Variants in HEATR3 observed in about 807,000 individuals in gnomAD.
The protein encoded by HEATR3 is HEAT repeat containing 3, also known as HEAT repeat-containing protein 3.
Under a neutral mutation model 72.8 loss-of-function variants are expected in HEATR3, and 56 were observed. The ratio of observed to expected loss-of-function variants is 0.77; its 90% confidence interval spans 0.62 to 0.96. The LOEUF (loss-of-function observed/expected upper bound fraction) is 0.96. HEATR3 is among the 40% of genes least tolerant of loss of function. The pLI, the probability that HEATR3 is intolerant of heterozygous loss-of-function variation, is 0.00. For synonymous variants in HEATR3, 331 were observed against 318.1 expected (o/e 1.04, Z -0.43); for missense variants, 747 against 831.4 (o/e 0.90, Z 1.25).
At position 50,107,087 on chromosome 16, in the gene HEATR3, C is replaced by A. The variant is rs560237765; in HGVS notation, c.*2026C>A. Among the ~76,000 whole-genome samples the A allele has an allele frequency of 4.6e-5, 7 of 152,302 alleles. No homozygotes were observed. The South Asian group carries it at 1.2e-3, about 27-fold the overall frequency. ...TTCCAAAAAAGAAAGTATTAGAGTT[C>A]TCTCTGCCTCAATTATTTATAAAAT... On this transcript the variant is annotated 3_prime_UTR_variant, in exon 15 of 15. Transcript: ENST00000299192.
Position 50,066,449 on chromosome 16 carries a change from G to A in HEATR3, c.221G>A (p.Gly74Asp). The A allele has an allele frequency of 2.9e-6, 4 of 1,394,016 alleles. No homozygotes were observed. Among genetic ancestry groups the A allele is most frequent in the Non-Finnish European group, 3.7e-6 (4 of 1,082,654 alleles). The allele number at this position is 1,394,016 out of a possible 1,614,324, so 86.4% of individuals were successfully genotyped here. A position where few individuals can be genotyped will look rare whatever the true frequency, so the allele number is the denominator to read the frequency against. ...GTGCAGCAGCGGCCGGCACTCCCGGGCCTGGCGCGACGAGACGCCGTGCGC... is the reference window on the plus strand; with the variant it reads ...GTGCAGCAGCGGCCGGCACTCCCGGACCTGGCGCGACGAGACGCCGTGCGC... ...RLVQQRPALP[G>D]LARRDAVRRL... Residue 74 changes from glycine (G) to aspartate (D), a missense_variant, in exon 2 of 15, where the codon GGC becomes GAC. Coordinates refer to ENST00000299192, the MANE Select transcript of HEATR3 (RefSeq NM_182922.4).
chr16:50,096,550 G>A (rs959073881), intron 12 of HEATR3, among the ~76,000 whole-genome samples: 1 of 152,130 alleles, frequency 6.6e-6, no homozygotes, highest in African/African-American at 2.4e-5. Flanking sequence ...TGTAATCCCA[G>A]CACTTTGGGA....
In HEATR3 at chr16:50,100,291, G is replaced by A. The variant is rs774244324; in HGVS notation, c.1661G>A (p.Gly554Glu). 6 of 1,614,024 alleles carry A rather than the reference G, an allele frequency of 3.7e-6. No homozygotes were observed. In the South Asian group the frequency reaches 6.6e-5, roughly 18 times the overall value. ...CKAGIHSSNV[G>E]VRVNVVSILG... ...GCAGGCATTCATAGTAGTAATGTCG[G>A]GGTTAGAGTGAATGTCGTTAGCATT... The change falls in exon 13 of 15, where the codon GGG becomes GAG. Residue 554 changes from glycine (G) to glutamate (E), a missense_variant. Transcript: ENST00000299192.
chr16:50,103,590 C>G (rs1374590439), intron 14 of HEATR3, among the ~76,000 whole-genome samples: 1 of 152,210 alleles, frequency 6.6e-6, no homozygotes, highest in African/African-American at 2.4e-5. Context: ...AACTCCTGAC[C>G]TACTGAGTCA....
intron 3 of HEATR3, among the ~76,000 whole-genome samples, chr16:50,069,750 G>A (rs766618318): frequency 1.3e-5 from 2 of 152,196 alleles, no homozygotes; most frequent in Non-Finnish European, 2.9e-5. Context: ...AAATGCTAGG[G>A]CCTGAATCCC....
chr16:50,083,124 A>T (rs1413234839), intron 7 of HEATR3, among the ~76,000 whole-genome samples: 1 of 151,770 alleles, frequency 6.6e-6, no homozygotes, highest in Non-Finnish European at 1.5e-5. Flanking sequence ...ACAGAGTGAG[A>T]CTCTGTCTCT....
intron 6 of HEATR3, among the ~76,000 whole-genome samples, chr16:50,076,269 G>T (rs2036725593): frequency 6.6e-6 from 1 of 151,042 alleles, no homozygotes; most frequent in Admixed American, 6.6e-5. Flanking sequence ...TGGCTCTGCA[G>T]CCTCACCTCC....
chr16:50,092,436 C>CTTTTTTTTTTTTTT lies in HEATR3; in HGVS notation c.1511-2266_1511-2253dup, dbSNP rs375532097. On this transcript the variant is annotated intron_variant, in intron 11 of 14. Coordinates refer to ENST00000299192, the MANE Select transcript of HEATR3 (RefSeq NM_182922.4). ...GGTCATTCTTTTTTTTTTCTTTTTT[C>CTTTTTTTTTTTTTT]TTTTTTTTTTTTTTTTCCTGAGACG... 1.2e-3 allele frequency among the ~76,000 whole-genome samples: 129 copies of CTTTTTTTTTTTTTT among 105,990 alleles called. 3 individuals are homozygous for CTTTTTTTTTTTTTT. The highest frequency in any genetic ancestry group is 3.0e-3 in the African/African-American group (82 of 27,032). 69.5% of individuals were successfully genotyped at this position (105,990 alleles called of 152,430 possible).
At chr16:50,083,153 C>G (rs547498189) in intron 7 of HEATR3, among the ~76,000 whole-genome samples, 17 of 152,184 alleles carry the variant, frequency 1.1e-4, no homozygotes, top group Admixed American at 1.0e-3. Context: ...AAAAAAAAGA[C>G]AATTGAAAAC....
intron 10 of HEATR3, among the ~76,000 whole-genome samples, chr16:50,085,365 C>T (rs979183802): frequency 2.0e-5 from 3 of 152,148 alleles, no homozygotes; most frequent in African/African-American, 7.2e-5. Context: ...GTGGCTCACA[C>T]CTATAATCCC....
chr16:50,095,503 G>A (rs149224252), intron 12 of HEATR3, among the ~76,000 whole-genome samples: 41 of 150,784 alleles, frequency 2.7e-4, no homozygotes, highest in African/African-American at 9.5e-4. Context: ...TCTCCCATAG[G>A]TGCCTTACCA....
At chr16:50,072,942 T>G (rs2036645681) in intron 5 of HEATR3, 1 of 445,188 alleles carries the variant, frequency 2.2e-6, no homozygotes, top group African/African-American at 2.0e-5. Flanking sequence ...AAGGTAATTA[T>G]GTGAGGATAT....
intron 12 of HEATR3, among the ~76,000 whole-genome samples, chr16:50,099,595 A>G (rs910320965): frequency 9.9e-5 from 15 of 152,124 alleles, no homozygotes; most frequent in Non-Finnish European, 1.8e-4. Flanking sequence ...GCTGCTGCTT[A>G]TAGGAGATAG....
At chr16:50,070,093 A>G (rs1028443515) in intron 3 of HEATR3, 85 bp from the exon 4 acceptor site, 2 of 595,822 alleles carry the variant, frequency 3.4e-6, no homozygotes, top group African/African-American at 1.9e-5. Context: ...TCTGATGTCT[A>G]GCCTTTGTGT....
chr16:50,093,437 TC>T (rs1177355041), intron 11 of HEATR3, among the ~76,000 whole-genome samples: 2 of 152,140 alleles, frequency 1.3e-5, no homozygotes, highest in African/African-American at 2.4e-5. Context: ...ACTTATCCCC[TC>T]CCACCTCCCA....
At chr16:50,080,114 C>T (rs925386895) in intron 7 of HEATR3, 1 of 152,188 alleles carries the variant, frequency 6.6e-6, no homozygotes, top group Non-Finnish European at 1.5e-5. Flanking sequence ...AGGAGGCTGC[C>T]GAAGGACGAT....
chr16:50,078,378 A>G (rs988393955), intron 6 of HEATR3, among the ~76,000 whole-genome samples: 1 of 152,196 alleles, frequency 6.6e-6, no homozygotes, highest in Non-Finnish European at 1.5e-5. Flanking sequence ...AGTGCATTCC[A>G]TTTCACTCTT....
intron 14 of HEATR3, 95 bp downstream of exon 14, chr16:50,102,530 C>T (rs1380004359): frequency 9.4e-7 from 1 of 1,069,120 alleles, no homozygotes; most frequent in African/African-American, 1.6e-5. Context: ...GAAGCATGTG[C>T]ATGACGAATC....
chr16:50,068,315 T>A (rs1426101557), intron 2 of HEATR3, among the ~76,000 whole-genome samples: 2 of 152,172 alleles, frequency 1.3e-5, no homozygotes, highest in Non-Finnish European at 2.9e-5. Context: ...TATTTTATTT[T>A]ATTTTTTTAG....
Sources: allele counts gnomAD v4.1 joint callset (sites outside exome capture counted in the v4.1 genomes callset), GRCh38; gene constraint gnomAD v4.1.1; transcripts MANE v1.5; gene names NCBI Gene and HGNC (gene_info 2026-07-23, HGNC 2026-07-21).